The following AOPEP variants were observed in gnomAD, a reference collection of about 807,000 sequenced individuals.
The protein encoded by AOPEP is aminopeptidase O (putative).
AOPEP carries 77 observed loss-of-function variants against 98.1 expected under a neutral mutation model. The ratio of observed to expected loss-of-function variants is 0.78; its 90% CI spans 0.65 to 0.95. The LOEUF (loss-of-function observed/expected upper bound fraction) is 0.95. AOPEP is among the 40% of genes least tolerant of loss of function. AOPEP has a pLI of 0.00. For synonymous variants in AOPEP, 346 were observed against 365.3 expected, an observed-to-expected ratio of 0.95 and a Z score of 0.60; for missense variants, 1,024 against 1,024.7, an observed-to-expected ratio of 1.00 and a Z score of 0.01.
intron 13 of AOPEP, chr9:95,019,724 T>G (rs2063308163): frequency 6.6e-6 from 1 of 152,224 alleles, no homozygotes; most frequent in African/African-American, 2.4e-5. Flanking sequence ...ACATAGTGCT[T>G]TTGACCTGTG....
intron 5 of AOPEP, among the ~76,000 whole-genome samples, chr9:94,889,614 A>G (rs2048639869): frequency 6.6e-6 from 1 of 152,114 alleles, no homozygotes; most frequent in African/African-American, 2.4e-5. Context: ...TGGCCTCCCA[A>G]AGTGCTAGGA....
At chr9:95,005,670 C>T in intron 13 of AOPEP, 54 bp downstream of exon 13, 11 of 1,370,982 alleles carry the variant, frequency 8.0e-6, no homozygotes, top group East Asian at 2.3e-5. Context: ...CCGCTTCTGC[C>T]CCGTGAGGAC....
chr9:95,018,081 C>T (rs1412488), intron 13 of AOPEP, among the ~76,000 whole-genome samples: 1 of 152,142 alleles, frequency 6.6e-6, no homozygotes, highest in East Asian at 1.9e-4. Context: ...TATGAATAAC[C>T]CATCTGTGGA....
chr9:94,891,841 T>C (rs2048915651), intron 5 of AOPEP, among the ~76,000 whole-genome samples: 1 of 152,228 alleles, frequency 6.6e-6, no homozygotes, highest in Non-Finnish European at 1.5e-5. Context: ...CTTCTTCTGT[T>C]ATTATTTCCT....
rs2068749701 is a variant in AOPEP, at chr9:95,073,756, G to A, written c.2233-6938G>A. ...TGTCTGTGTTGCCAGCTACTTGGGA[G>A]GCTGAGGCAGGAGAATCGCTTGAAC... On this transcript the variant is annotated intron_variant, in intron 14 of 16. Transcript: ENST00000375315. Among the ~76,000 whole-genome samples, 3 of 152,200 alleles carry A rather than the reference G, an allele frequency of 2.0e-5. No homozygotes were observed. In the South Asian group the frequency reaches 6.2e-4, roughly 31 times the overall value.
chr9:95,095,555 T>C, the AOPEP span, among the ~76,000 whole-genome samples: 2 of 152,258 alleles, frequency 1.3e-5, no homozygotes, highest in Non-Finnish European at 2.9e-5. Flanking sequence ...TTGAGATACT[T>C]TGGTGAGTTT....
At chr9:94,962,908 T>C (rs2058950503) in intron 9 of AOPEP, among the ~76,000 whole-genome samples, 1 of 151,946 alleles carries the variant, frequency 6.6e-6, no homozygotes, top group Non-Finnish European at 1.5e-5. Context: ...CACGCCTGGC[T>C]AAATTTTTGT....
chr9:94,792,699 A>G (rs999277134), intron 3 of AOPEP, 66 bp from the exon 4 acceptor site: 1 of 1,385,864 alleles, frequency 7.2e-7, no homozygotes. Context: ...CCTCGAGAAG[A>G]AATTATACAG....
intron 5 of AOPEP, among the ~76,000 whole-genome samples, chr9:94,811,820 G>C (rs910644577): frequency 1.3e-5 from 2 of 152,190 alleles, no homozygotes; most frequent in African/African-American, 4.8e-5. Flanking sequence ...TAACCTTTCC[G>C]ATGGTCCAGG....
intron 1 of AOPEP, among the ~76,000 whole-genome samples, chr9:94,730,213 G>T (rs1385288549): frequency 6.6e-6 from 1 of 151,852 alleles, no homozygotes; most frequent in African/African-American, 2.4e-5. Flanking sequence ...GAACTGGTGA[G>T]GCGGAGCTTG....
chr9:94,784,759 G>T (rs188547954), intron 3 of AOPEP, among the ~76,000 whole-genome samples: 1 of 152,052 alleles, frequency 6.6e-6, no homozygotes, highest in Non-Finnish European at 1.5e-5. Context: ...AGGATTACAG[G>T]TGCCCACCAC....
the AOPEP span, among the ~76,000 whole-genome samples, chr9:95,134,853 G>A: frequency 6.6e-6 from 1 of 152,214 alleles, no homozygotes; most frequent in Non-Finnish European, 1.5e-5. Flanking sequence ...CGCAGGGGAG[G>A]GTGAAGGCAG....
intron 7 of AOPEP, among the ~76,000 whole-genome samples, chr9:94,933,946 C>T (rs2055820484): frequency 6.6e-6 from 1 of 152,056 alleles, no homozygotes; most frequent in Admixed American, 6.6e-5. Flanking sequence ...GACGGGGTTT[C>T]ACTGTGTTAG....
intron 11 of AOPEP, among the ~76,000 whole-genome samples, chr9:94,987,187 AG>A (rs1269334667): frequency 1.3e-5 from 2 of 152,276 alleles, no homozygotes; most frequent in African/African-American, 4.8e-5. Context: ...ATAATTCAAT[AG>A]GAAAAATAGA....
chr9:94,903,892 T>TAAAA (rs10658054), intron 5 of AOPEP, among the ~76,000 whole-genome samples: 1,430 of 96,040 alleles, frequency 0.015, 36 homozygotes, highest in African/African-American at 0.049. Flanking sequence ...AGACTCTGTC[T>TAAAA]AAAAAAAAAA....
chr9:94,863,287 T>C (rs1176929703), intron 5 of AOPEP, among the ~76,000 whole-genome samples: 1 of 147,160 alleles, frequency 6.8e-6, no homozygotes, highest in East Asian at 2.0e-4. Context: ...TCTCTTTTTT[T>C]TTTTTTTTTT....
chr9:95,034,474 A>G (rs537457183), intron 13 of AOPEP, among the ~76,000 whole-genome samples: 2 of 152,342 alleles, frequency 1.3e-5, no homozygotes, highest in East Asian at 1.9e-4. Flanking sequence ...ATTTGAGACT[A>G]TGCTTGTTAT....
At position 94,930,837 on chromosome 9, in the gene AOPEP, G is replaced by T. The variant is rs760464789; in HGVS notation, c.1661+2306G>T. ...GTAACTGTAGGCTCTGTGAGAGGGG[G>T]TGTGTTGGCCCAGGAAGCGAGACTG... On this transcript the variant is annotated intron_variant, in intron 7 of 16. Coordinates refer to ENST00000375315, the MANE Select transcript of AOPEP (RefSeq NM_001193329.3). The surrounding 1 kb of genome is among the most constrained non-coding windows in gnomAD (Gnocchi z 4.5). 2.6e-5 allele frequency among the ~76,000 whole-genome samples: 4 copies of T among 152,098 alleles called. No individual in the cohort carries two copies. Among genetic ancestry groups the T allele is most frequent in the African/African-American group, 7.2e-5 (3 of 41,402 alleles).
chr9:94,899,201 T>TTC (rs2050039935), intron 5 of AOPEP, among the ~76,000 whole-genome samples: 1 of 138,276 alleles, frequency 7.2e-6, no homozygotes, highest in Admixed American at 7.2e-5. Context: ...TTTTTTTTTT[T>TTC]TGAGAGGGAG....
Sources: allele counts gnomAD v4.1 joint callset (sites outside exome capture counted in the v4.1 genomes callset), GRCh38; gene constraint gnomAD v4.1.1; non-coding constraint Gnocchi (gnomAD v3.1); transcripts MANE v1.5; gene names NCBI Gene and HGNC (gene_info 2026-07-23, HGNC 2026-07-21).